The following TRIM49 variants were observed in gnomAD, a reference collection of about 807,000 sequenced individuals.
TRIM49 encodes tripartite motif-containing protein 49.
Under a neutral mutation model 27.4 loss-of-function variants are expected in TRIM49, and 5 were observed. The ratio of observed to expected loss-of-function variants is 0.18; its 90% CI spans 0.10 to 0.38. TRIM49 has a LOEUF of 0.38. Ranked by LOEUF, TRIM49 falls within the 10% of genes least tolerant of loss-of-function variation. The pLI is 1.00. For synonymous variants in TRIM49, 69 were observed against 166.0 expected, an observed-to-expected ratio of 0.42 and a Z score of 4.49; for missense variants, 188 against 487.5, an observed-to-expected ratio of 0.39 and a Z score of 5.79.
chr11:89,789,932 C>T, the TRIM49 span, among the ~76,000 whole-genome samples: 1 of 150,660 alleles, frequency 6.6e-6, no homozygotes, highest in African/African-American at 2.5e-5. Flanking sequence ...TGCAGCCCAC[C>T]TAGCATGAGC....
At chr11:89,803,613 C>G (rs1053959931) in intron 4 of TRIM49, 85 bp downstream of exon 4, 198 of 1,313,380 alleles carry the variant, frequency 1.5e-4, no homozygotes, top group Non-Finnish European at 1.9e-4. Context: ...AGAAACATTA[C>G]AGTTTGATAT....
At chr11:89,797,064 T>C (rs1440736276), downstream of TRIM49, among the ~76,000 whole-genome samples, 1 of 152,144 alleles carries the variant, frequency 6.6e-6, no homozygotes, top group Non-Finnish European at 1.5e-5. Context: ...CTTTAAATTT[T>C]GGTATTTTTT....
chr11:89,777,480 A>G, the TRIM49 span: 41,387 of 1,342,282 alleles, frequency 0.031, 588 homozygotes, highest in East Asian at 0.11. Context: ...AATGCAGATG[A>G]TGGAGGTGGT....
downstream of TRIM49, among the ~76,000 whole-genome samples, chr11:89,793,618 A>T (rs1206755434): frequency 6.6e-6 from 1 of 152,102 alleles, no homozygotes; most frequent in South Asian, 2.1e-4. Context: ...CATAAACAGA[A>T]CCAAAGACAA....
At chr11:89,806,354 CTAA>C (rs1478415008) in intron 2 of TRIM49, among the ~76,000 whole-genome samples, 5 of 149,866 alleles carry the variant, frequency 3.3e-5, no homozygotes, top group African/African-American at 1.3e-4. Flanking sequence ...AGAACCCTGA[CTAA>C]TATAAAAACT....
At chr11:89,773,316 CA>C in the TRIM49 span, among the ~76,000 whole-genome samples, 1 of 119,590 alleles carries the variant, frequency 8.4e-6, no homozygotes, top group East Asian at 2.3e-4. Flanking sequence ...TAAAATTATT[CA>C]AAAAGGTGGA....
chr11:89,794,409 A>T (rs1949674885), downstream of TRIM49, among the ~76,000 whole-genome samples: 2 of 149,088 alleles, frequency 1.3e-5, no homozygotes, highest in Admixed American at 1.3e-4. Flanking sequence ...TGTGGAACCA[A>T]AAAAGAGCCC....
At chr11:89,783,769 G>C in the TRIM49 span, among the ~76,000 whole-genome samples, 2 of 146,428 alleles carry the variant, frequency 1.4e-5, no homozygotes, top group African/African-American at 2.6e-5. Context: ...CATCTCCTAG[G>C]GCACCGGCTT....
At chr11:89,798,730 T>C (rs1474511336) in intron 7 of TRIM49, 101 bp from the exon 8 acceptor site, 1 of 1,364,660 alleles carries the variant, frequency 7.3e-7, no homozygotes, top group Non-Finnish European at 9.4e-7. Context: ...TGTAAAGTCA[T>C]AAAATGTTTT....
the TRIM49 span, among the ~76,000 whole-genome samples, chr11:89,782,956 A>C: frequency 3.2e-4 from 39 of 120,044 alleles, 8 homozygotes; most frequent in South Asian, 1.0e-3. Context: ...GCTGGGGTAG[A>C]AAAATGAAGT....
the TRIM49 span, chr11:89,787,284 G>A: frequency 0.077 from 17,277 of 225,490 alleles, 740 homozygotes; most frequent in African/African-American, 0.16. Context: ...TAACAGCCCC[G>A]CCGTGGCCTT....
chr11:89,779,684 TTA>T, the TRIM49 span, among the ~76,000 whole-genome samples: 1 of 103,344 alleles, frequency 9.7e-6, no homozygotes, highest in Non-Finnish European at 2.1e-5. Context: ...ATAATTAACA[TTA>T]TATATATATT....
intron 6 of TRIM49, among the ~76,000 whole-genome samples, chr11:89,800,472 G>C (rs562789556): frequency 1.3e-5 from 2 of 151,494 alleles, no homozygotes; most frequent in Non-Finnish European, 2.9e-5. Flanking sequence ...GGCCGGGCGC[G>C]GTGGTTCACG....
chr11:89,773,970 T>G, the TRIM49 span, among the ~76,000 whole-genome samples: 1 of 135,630 alleles, frequency 7.4e-6, no homozygotes, highest in Non-Finnish European at 1.5e-5. Context: ...TGATAATATT[T>G]AATGAAATAA....
chr11:89,768,961 C>T, the TRIM49 span: 2 of 410,634 alleles, frequency 4.9e-6, no homozygotes, highest in Admixed American at 4.9e-5. Flanking sequence ...GGTGGATCAC[C>T]TGAGGTCAGG....
At chr11:89,789,664 G>C in the TRIM49 span, 1 of 152,132 alleles carries the variant, frequency 6.6e-6, no homozygotes, top group East Asian at 1.9e-4. Flanking sequence ...GGAATAGCCA[G>C]GGTTAGGCAG....
At chr11:89,801,178 G>C (rs1949734191) in intron 5 of TRIM49, among the ~76,000 whole-genome samples, 190 bp from the exon 6 acceptor site, 1 of 149,540 alleles carries the variant, frequency 6.7e-6, no homozygotes, top group Non-Finnish European at 1.5e-5. Flanking sequence ...TAACGTCCTG[G>C]GAAAGTCTGA....
At chr11:89,790,757 A>G in the TRIM49 span, among the ~76,000 whole-genome samples, 39 of 151,612 alleles carry the variant, frequency 2.6e-4, no homozygotes, top group African/African-American at 9.2e-4. Flanking sequence ...GTACGTCACC[A>G]GCATCAAAGC....
rs1949760918 is a variant in TRIM49 at position 89,803,878 on chromosome 11, T to C, written c.412-85A>G. 4 of 751,974 alleles carry C rather than the reference T, an allele frequency of 5.3e-6. No homozygotes were observed. In the Admixed American group the frequency reaches 8.8e-5, roughly 16 times the overall value. 46.6% of individuals were successfully genotyped at this position (751,974 alleles called of 1,614,324 possible). On this transcript the variant is annotated intron_variant, in intron 3 of 7. Transcript: ENST00000329758. ...GAATGAGAGACAAATAAGCCCCTAG[T>C]AAATGGCATTTCCTTTGTTTCCCTT...
Sources: gnomAD v4.1 joint callset for allele counts (sites outside exome capture counted in the v4.1 genomes callset) on GRCh38, gnomAD v4.1.1 for gene constraint, MANE v1.5 for transcripts, NCBI Gene and HGNC (gene_info 2026-07-23, HGNC 2026-07-21) for gene names.